RBM6: variants seen among roughly 807,000 people sequenced by gnomAD.
RBM6 encodes RNA binding motif protein 6.
A neutral mutation model predicts 140.4 loss-of-function variants in RBM6; 23 were observed. The ratio of observed to expected loss-of-function variants is 0.16; its 90% CI spans 0.12 to 0.23. The LOEUF (loss-of-function observed/expected upper bound fraction) is 0.23, where lower values mean the gene tolerates loss of function less well. RBM6 is among the 10% of genes least tolerant of loss of function. The probability of loss-of-function intolerance (pLI) is 1.00; values close to 1 mark genes in which losing one functional copy is unlikely to be tolerated. For synonymous variants in RBM6, 439 were observed against 475.6 expected, an observed-to-expected ratio of 0.92 and a Z score of 1.00; for missense variants, 1,139 against 1,386.7, an observed-to-expected ratio of 0.82 and a Z score of 2.84.
chr3:49,958,497 AC>A, intron 1 of RBM6, among the ~76,000 whole-genome samples: 1 of 152,206 alleles, frequency 6.6e-6, no homozygotes, highest in East Asian at 1.9e-4. Context: ...AATGGCGTCA[AC>A]CCAGGAGGCG....
intron 1 of RBM6, among the ~76,000 whole-genome samples, chr3:49,946,680 C>T (rs998260514): frequency 6.6e-6 from 1 of 151,902 alleles, no homozygotes; most frequent in South Asian, 2.1e-4. Context: ...GGATTACAGG[C>T]GTGTGCCACC....
chr3:49,963,795 C>G (rs1281433393), intron 2 of RBM6, among the ~76,000 whole-genome samples: 4 of 152,032 alleles, frequency 2.6e-5, no homozygotes, highest in Non-Finnish European at 5.9e-5. Context: ...ATGAATGTGA[C>G]TTTTTTGGTT....
At chr3:50,064,092 C>T (rs1045896589) in intron 15 of RBM6, among the ~76,000 whole-genome samples, 1 of 151,842 alleles carries the variant, frequency 6.6e-6, no homozygotes, top group Admixed American at 6.6e-5. Flanking sequence ...GCCACAACGC[C>T]CAGCTAATTT....
chr3:50,074,909 A>T (rs1412598478), intron 19 of RBM6, among the ~76,000 whole-genome samples: 1 of 152,026 alleles, frequency 6.6e-6, no homozygotes, highest in Non-Finnish European at 1.5e-5. Context: ...GCACTTTGGG[A>T]GGCCAAGGCA....
At chr3:50,031,295 C>A (rs558905050) in intron 6 of RBM6, among the ~76,000 whole-genome samples, 17 of 152,160 alleles carry the variant, frequency 1.1e-4, no homozygotes, top group South Asian at 1.0e-3. Context: ...ATGTTTATTG[C>A]GGCACTATTC....
At chr3:50,044,339 C>T (rs1433175096) in intron 6 of RBM6, among the ~76,000 whole-genome samples, 1 of 151,858 alleles carries the variant, frequency 6.6e-6, no homozygotes, top group African/African-American at 2.4e-5. Flanking sequence ...AATGGACATC[C>T]ACGGCTGGGC....
At position 50,068,737 on chromosome 3, in the gene RBM6, A is replaced by G; in HGVS notation, c.2991A>G (p.Leu997=). 6.2e-7 allele frequency: 1 copy of G among 1,614,166 alleles called. No homozygotes were observed. The highest frequency in any genetic ancestry group is 1.3e-5 in the African/African-American group (1 of 75,064). Residue 997 remains leucine (L), a synonymous_variant, in exon 18 of 21, where the codon CTA becomes CTG. Transcript: ENST00000266022. ...HRKIKQSEQE[L]AYLERREREG... ...AGATAAAACAGTCTGAGCAGGAGCT[A>G]GCCTATCTGGAAAGGAGAGAACGAG...
intron 1 of RBM6, chr3:49,940,699 C>G: frequency 6.5e-6 from 1 of 154,270 alleles, no homozygotes; most frequent in Middle Eastern, 7.0e-4. Context: ...ACAAGAGCTC[C>G]GAGCCCGGTC....
chr3:50,008,180 G>C (rs1207125784), intron 6 of RBM6, among the ~76,000 whole-genome samples: 1 of 152,196 alleles, frequency 6.6e-6, no homozygotes, highest in South Asian at 2.1e-4. Context: ...TGCTCTAAAC[G>C]ACTCATTTTA....
At chr3:50,054,202 A>T in intron 7 of RBM6, 133 bp from the exon 8 acceptor site, 2 of 733,900 alleles carry the variant, frequency 2.7e-6, no homozygotes. Context: ...GGAATATCAG[A>T]TTCTTTTTTT....
chr3:50,040,819 A>AT (rs2088875691), intron 6 of RBM6, among the ~76,000 whole-genome samples: 1 of 151,744 alleles, frequency 6.6e-6, no homozygotes, highest in African/African-American at 2.4e-5. Flanking sequence ...ACCATTTTGT[A>AT]TTTTTTGTAG....
intron 5 of RBM6, among the ~76,000 whole-genome samples, chr3:49,986,917 C>G (rs1215659470): frequency 6.6e-6 from 1 of 152,016 alleles, no homozygotes; most frequent in Non-Finnish European, 1.5e-5. Context: ...TCCCTAGTAG[C>G]TGGGACTATA....
At position 50,077,037 on chromosome 3, in the gene RBM6, T is replaced by G; in HGVS notation, c.3276T>G (p.Val1092=). Residue 1092 remains valine (V), a synonymous_variant, in exon 21 of 21, where the codon GTT becomes GTG. Coordinates refer to ENST00000266022, the MANE Select transcript of RBM6 (RefSeq NM_005777.3). ...EAEGRMRGPS[V]GASGRTSKRQ... is the part of the protein sequence containing the mutation. ...AAGGCCGGATGAGGGGCCCCAGTGT[T>G]GGAGCCTCAGGAAGAACCAGCAAAA... 1 of 1,612,830 alleles carries G rather than the reference T, an allele frequency of 6.2e-7. No homozygotes were observed. The highest frequency in any genetic ancestry group is 1.1e-5 in the South Asian group (1 of 90,956).
At chr3:49,962,192 G>C (rs2084313878) in intron 1 of RBM6, among the ~76,000 whole-genome samples, 1 of 144,318 alleles carries the variant, frequency 6.9e-6, no homozygotes, top group African/African-American at 2.6e-5. Context: ...AGTGGCTCAC[G>C]CCTGTAATCT....
intron 5 of RBM6, among the ~76,000 whole-genome samples, chr3:49,980,256 T>C (rs915241664): frequency 6.6e-6 from 1 of 151,722 alleles, no homozygotes; most frequent in Non-Finnish European, 1.5e-5. Flanking sequence ...CTGCCCACCT[T>C]GGCCTCCCAA....
intron 19 of RBM6, among the ~76,000 whole-genome samples, chr3:50,074,801 T>C (rs1363298102): frequency 6.6e-6 from 1 of 152,066 alleles, no homozygotes; most frequent in East Asian, 1.9e-4. Flanking sequence ...GAGGCAGATA[T>C]GAATCAAGAG....
intron 6 of RBM6, among the ~76,000 whole-genome samples, chr3:50,010,055 T>A (rs2086770363): frequency 6.6e-6 from 1 of 151,756 alleles, no homozygotes; most frequent in Non-Finnish European, 1.5e-5. Context: ...CCTGGCTAAT[T>A]TTTGTATTTT....
intron 6 of RBM6, among the ~76,000 whole-genome samples, chr3:50,044,743 GT>G (rs1252122047): frequency 6.6e-6 from 1 of 152,190 alleles, no homozygotes. Context: ...GTGTATGTAT[GT>G]CATACCTGTG....
chr3:50,055,997 G>A (rs761147195), intron 8 of RBM6, among the ~76,000 whole-genome samples: 2 of 152,164 alleles, frequency 1.3e-5, no homozygotes, highest in Non-Finnish European at 2.9e-5. Context: ...GATTCAGGTA[G>A]CCTTCTGTTT....
Sources: gnomAD v4.1 joint callset for allele counts (sites outside exome capture counted in the v4.1 genomes callset) on GRCh38, gnomAD v4.1.1 for gene constraint, MANE v1.5 for transcripts, NCBI Gene and HGNC (gene_info 2026-07-23, HGNC 2026-07-21) for gene names.